Variants in SCHIP1 observed in about 807,000 individuals in gnomAD.
SCHIP1 encodes schwannomin interacting protein 1, also known as schwannomin-interacting protein 1.
A neutral mutation model predicts 29.7 loss-of-function variants in SCHIP1; 8 were observed. The ratio of observed to expected loss-of-function variants is 0.27; its 90% confidence interval spans 0.16 to 0.49. The LOEUF is 0.49. Ranked by LOEUF, SCHIP1 falls within the 20% of genes least tolerant of loss-of-function variation. SCHIP1 has a pLI of 0.99. For missense variants in SCHIP1, 193 were observed against 294.6 expected (o/e 0.66, Z 2.52); for synonymous variants, 76 against 94.9 (o/e 0.80, Z 1.16).
At chr3:159,665,759 C>G in the SCHIP1 span, among the ~76,000 whole-genome samples, 2 of 152,174 alleles carry the variant, frequency 1.3e-5, no homozygotes, top group South Asian at 4.1e-4. Flanking sequence ...AAAGTTGTCT[C>G]ATTTCTTTTC....
chr3:159,427,054 T>C, the SCHIP1 span, among the ~76,000 whole-genome samples: 85,972 of 151,890 alleles, frequency 0.57, 25,306 homozygotes, highest in East Asian at 0.75. Flanking sequence ...AAGAGCTATC[T>C]ATGACAAACC....
rs551792592 is a variant in SCHIP1 at position 159,852,122 on chromosome 3, T to C, written c.30+11908T>C. ...TTTAAAAAATGTGGAGAGAAATAAG[T>C]AGACACTGAAGGTGAGCATGTCAGC... On this transcript the variant is annotated intron_variant, in intron 1 of 6. Transcript: ENST00000445224. Among the ~76,000 whole-genome samples the C allele has an allele frequency of 2.0e-4, 30 of 152,286 alleles. No individual in the cohort carries two copies. The South Asian group carries it at 6.0e-3, about 31-fold the overall frequency.
At chr3:159,692,183 A>G in the SCHIP1 span, among the ~76,000 whole-genome samples, 1 of 151,972 alleles carries the variant, frequency 6.6e-6, no homozygotes, top group Non-Finnish European at 1.5e-5. Context: ...ATCCTTGGTG[A>G]ATCTGATGAT....
chr3:159,562,997 G>A, the SCHIP1 span, among the ~76,000 whole-genome samples: 1 of 152,136 alleles, frequency 6.6e-6, no homozygotes, highest in Non-Finnish European at 1.5e-5. Context: ...CTTTCTCATG[G>A]AAACTTATTT....
chr3:159,668,376 C>CAAAAAAAAAAAAAAAAA, the SCHIP1 span, among the ~76,000 whole-genome samples: 36 of 46,414 alleles, frequency 7.8e-4, 2 homozygotes, highest in African/African-American at 3.3e-3. Flanking sequence ...GACTCCGTCT[C>CAAAAAAAAAAAAAAAAA]AAAAAAAAAA....
the SCHIP1 span, among the ~76,000 whole-genome samples, chr3:159,634,952 G>A: frequency 3.3e-5 from 5 of 152,228 alleles, no homozygotes; most frequent in South Asian, 6.2e-4. Flanking sequence ...CCATGCCTGT[G>A]TTTTTTGAGA....
At chr3:159,792,235 G>C in the SCHIP1 span, among the ~76,000 whole-genome samples, 1 of 152,188 alleles carries the variant, frequency 6.6e-6, no homozygotes, top group Non-Finnish European at 1.5e-5. Flanking sequence ...CAAGTGCCAG[G>C]CTGTGCCTCA....
the SCHIP1 span, among the ~76,000 whole-genome samples, chr3:159,361,336 G>A: frequency 1.3e-5 from 2 of 152,198 alleles, no homozygotes; most frequent in African/African-American, 4.8e-5. Context: ...TTGGGAAAGA[G>A]TATCCCATGT....
the SCHIP1 span, among the ~76,000 whole-genome samples, chr3:159,544,896 C>T: frequency 6.6e-6 from 1 of 151,984 alleles, no homozygotes; most frequent in African/African-American, 2.4e-5. Flanking sequence ...TCTTTTGTTT[C>T]CTTTTTAAGA....
At chr3:159,821,781 C>A in the SCHIP1 span, among the ~76,000 whole-genome samples, 1 of 152,326 alleles carries the variant, frequency 6.6e-6, no homozygotes, top group African/African-American at 2.4e-5. Context: ...TTTACAGCTT[C>A]TCTTTGGCAT....
the SCHIP1 span, among the ~76,000 whole-genome samples, chr3:159,509,144 T>G: frequency 2.6e-5 from 4 of 152,284 alleles, no homozygotes; most frequent in East Asian, 3.9e-4. Context: ...TTATGAACCT[T>G]GGTGCTCCTG....
the SCHIP1 span, chr3:159,273,352 A>G: frequency 1.0e-6 from 1 of 994,100 alleles, no homozygotes; most frequent in South Asian, 4.5e-5. Context: ...TGGTGTGTGC[A>G]GTGCCTTGTG....
chr3:159,335,908 G>T, the SCHIP1 span, among the ~76,000 whole-genome samples: 2 of 152,184 alleles, frequency 1.3e-5, no homozygotes, highest in African/African-American at 4.8e-5. Flanking sequence ...AGATCCCTGA[G>T]GAATCGCCAC....
the SCHIP1 span, among the ~76,000 whole-genome samples, chr3:159,554,745 G>A: frequency 6.6e-6 from 1 of 151,936 alleles, no homozygotes; most frequent in African/African-American, 2.4e-5. Flanking sequence ...TAGTGGCTCT[G>A]GCTTCCTGGA....
At chr3:159,777,155 A>T in the SCHIP1 span, among the ~76,000 whole-genome samples, 1 of 152,332 alleles carries the variant, frequency 6.6e-6, no homozygotes, top group African/African-American at 2.4e-5. Context: ...AGACTAACAA[A>T]TATCTGCTGT....
the SCHIP1 span, among the ~76,000 whole-genome samples, chr3:159,434,571 C>T: frequency 6.6e-6 from 1 of 152,114 alleles, no homozygotes; most frequent in Non-Finnish European, 1.5e-5. Flanking sequence ...GGCATGTCCT[C>T]ATCCCCATCA....
At chr3:159,608,968 T>C in the SCHIP1 span, among the ~76,000 whole-genome samples, 1 of 152,204 alleles carries the variant, frequency 6.6e-6, no homozygotes. Context: ...CTACTTTTAT[T>C]TAAACTCCAT....
At chr3:159,295,266 A>AAC in the SCHIP1 span, among the ~76,000 whole-genome samples, 1 of 146,262 alleles carries the variant, frequency 6.8e-6, no homozygotes, top group African/African-American at 2.5e-5. Context: ...AAAAAAAAAA[A>AAC]AAAAAAAAAA....
At chr3:159,664,961 G>A in the SCHIP1 span, among the ~76,000 whole-genome samples, 1 of 152,206 alleles carries the variant, frequency 6.6e-6, no homozygotes, top group East Asian at 1.9e-4. Flanking sequence ...CTTTATACAA[G>A]CCCTCTGAGT....
Sources: gnomAD v4.1 joint callset for allele counts (sites outside exome capture counted in the v4.1 genomes callset) on GRCh38, gnomAD v4.1.1 for gene constraint, MANE v1.5 for transcripts, NCBI Gene and HGNC (gene_info 2026-07-23, HGNC 2026-07-21) for gene names.